MTA3: variants seen among roughly 807,000 people sequenced by gnomAD.
MTA3 encodes the protein metastasis associated 1 family member 3.
A neutral mutation model predicts 83.5 loss-of-function variants in MTA3; 34 were observed. The observed-to-expected ratio is 0.41, with a 90% CI of 0.31 to 0.54. The LOEUF is 0.54. Among genes scored for constraint, MTA3 ranks in the 20% least tolerant of loss-of-function variants. The pLI is 0.33. For missense variants in MTA3, 761 were observed against 726.4 expected, an observed-to-expected ratio of 1.05 and a Z score of -0.55; for synonymous variants, 303 against 252.7, an observed-to-expected ratio of 1.20 and a Z score of -1.89.
chr2:42,671,879 T>C (rs757370093), intron 8 of MTA3, among the ~76,000 whole-genome samples: 8 of 152,158 alleles, frequency 5.3e-5, no homozygotes, highest in Non-Finnish European at 1.0e-4. Context: ...GGTCTGATGC[T>C]TGTCACATCA....
intron 2 of MTA3, among the ~76,000 whole-genome samples, chr2:42,530,053 T>G (rs1236459056): frequency 6.7e-6 from 1 of 148,590 alleles, no homozygotes; most frequent in Admixed American, 6.7e-5. Flanking sequence ...GGCGTGGTGG[T>G]GGGCGCCTGT....
intron 7 of MTA3, among the ~76,000 whole-genome samples, chr2:42,658,292 C>G (rs1256228753): frequency 6.6e-6 from 1 of 150,940 alleles, no homozygotes; most frequent in African/African-American, 2.5e-5. Flanking sequence ...ACACAAGTAT[C>G]TCTTAAGTTT....
intron 2 of MTA3, among the ~76,000 whole-genome samples, chr2:42,574,367 T>C (rs1416342061): frequency 6.8e-6 from 1 of 147,124 alleles, no homozygotes; most frequent in Non-Finnish European, 1.5e-5. Context: ...CCTCAGGTGA[T>C]CTACCACCTC....
chr2:42,568,851 TGCCGGGAGCCAAGGGC>T, intron 1 of MTA3, 78 bp downstream of exon 1: 1 of 1,198,374 alleles, frequency 8.3e-7, no homozygotes, highest in Non-Finnish European at 1.0e-6. Context: ...GCACGCCAAC[TGCCGGGAGCCAAGGGC>T]GCCGGGGCTG....
chr2:42,732,686 A>G (rs1323011009), intron 16 of MTA3, among the ~76,000 whole-genome samples: 2 of 152,210 alleles, frequency 1.3e-5, no homozygotes, highest in Non-Finnish European at 2.9e-5. Flanking sequence ...TCAGGCTGCA[A>G]ATATTCTGAA....
chr2:42,636,303 G>T (rs1687187737), intron 4 of MTA3, among the ~76,000 whole-genome samples: 1 of 152,120 alleles, frequency 6.6e-6, no homozygotes, highest in Non-Finnish European at 1.5e-5. Flanking sequence ...CCTTTGGGAG[G>T]CCAAGGTGGG....
chr2:42,684,264 TC>T (rs552902993), intron 9 of MTA3, among the ~76,000 whole-genome samples: 1 of 152,240 alleles, frequency 6.6e-6, no homozygotes, highest in South Asian at 2.1e-4. Context: ...GAAAATAGAA[TC>T]TTTATAGACC....
intron 7 of MTA3, among the ~76,000 whole-genome samples, chr2:42,658,511 A>G (rs959436639): frequency 1.3e-5 from 2 of 152,180 alleles, no homozygotes; most frequent in Non-Finnish European, 1.5e-5. Flanking sequence ...AGCTAACAAC[A>G]TGGATGAACC....
At chr2:42,689,295 T>C (rs927211820) in intron 9 of MTA3, among the ~76,000 whole-genome samples, 2 of 152,228 alleles carry the variant, frequency 1.3e-5, no homozygotes, top group Non-Finnish European at 2.9e-5. Context: ...ATTGATAAAC[T>C]AAGACTTAAT....
intron 16 of MTA3, among the ~76,000 whole-genome samples, chr2:42,739,232 T>C (rs1397520784): frequency 1.3e-5 from 2 of 152,154 alleles, no homozygotes; most frequent in Non-Finnish European, 2.9e-5. Context: ...TTTTGTACAC[T>C]GTCCCTTTAT....
intron 2 of MTA3, among the ~76,000 whole-genome samples, chr2:42,524,478 T>TTTTTTTG (rs1553337463): frequency 8.8e-6 from 1 of 113,444 alleles, no homozygotes; most frequent in East Asian, 2.5e-4. Context: ...TTGTGTTTTT[T>TTTTTTTG]TTTTTTTTTT....
chr2:42,727,728 A>C (rs535643215), intron 16 of MTA3, among the ~76,000 whole-genome samples: 1 of 152,138 alleles, frequency 6.6e-6, no homozygotes, highest in East Asian at 1.9e-4. Flanking sequence ...TTTCTCCTCT[A>C]TAAATCTGTA....
At chr2:42,591,542 CTT>C (rs1195846264) in intron 3 of MTA3, among the ~76,000 whole-genome samples, 1 of 152,166 alleles carries the variant, frequency 6.6e-6, no homozygotes, top group Non-Finnish European at 1.5e-5. Flanking sequence ...CTTTTTGACT[CTT>C]GTAATAACAA....
chr2:42,752,307 G>A, intron 16 of MTA3: 1 of 470,956 alleles, frequency 2.1e-6, no homozygotes, highest in Non-Finnish European at 4.4e-6. Context: ...AGGCTGTGAA[G>A]GTGAGCATTG....
In MTA3 at chr2:42,719,040, T is replaced by A. The variant is rs2104533497; in HGVS notation, c.1578T>A (p.Thr526=). 7 of 1,550,414 alleles carry A rather than the reference T, an allele frequency of 4.5e-6. No individual in the cohort carries two copies. The South Asian group carries it at 7.1e-5, about 16-fold the overall frequency. Residue 526 remains threonine, a synonymous_variant, in exon 15 of 17, where the codon ACT becomes ACA. Coordinates refer to ENST00000405094, the MANE Select transcript of MTA3 (RefSeq NM_001330442.2). ...LSGSPLKSKS[T]RKPLACIIGY... Reference sequence around the variant, plus strand: ...GAAGTCCACTGAAAAGCAAAAGCACTAGGAAGCCTTTGGCATGTATCATTG... The same window carrying A: ...GAAGTCCACTGAAAAGCAAAAGCACAAGGAAGCCTTTGGCATGTATCATTG...
chr2:42,502,078 C>T (rs1232241835), intron 2 of MTA3, among the ~76,000 whole-genome samples: 1 of 150,408 alleles, frequency 6.6e-6, no homozygotes, highest in Non-Finnish European at 1.5e-5. Context: ...AGGTTACAGG[C>T]AAAGTCATAA....
At chr2:42,676,100 A>C (rs1691331046) in intron 8 of MTA3, among the ~76,000 whole-genome samples, 2 of 152,200 alleles carry the variant, frequency 1.3e-5, no homozygotes, top group Non-Finnish European at 2.9e-5. Flanking sequence ...TCTCCTGGTG[A>C]ACAGTAATTC....
At chr2:42,749,819 G>A (rs765843458) in intron 16 of MTA3, among the ~76,000 whole-genome samples, 1 of 152,030 alleles carries the variant, frequency 6.6e-6, no homozygotes, top group African/African-American at 2.4e-5. Flanking sequence ...GTTACTGGCT[G>A]GAGGGTTAGT....
chr2:42,569,376 G>A (rs1053116021), intron 1 of MTA3: 1 of 152,286 alleles, frequency 6.6e-6, no homozygotes, highest in African/African-American at 2.4e-5. Flanking sequence ...GTTGAGCTCT[G>A]CCTGGACGTT....
Sources: gnomAD v4.1 joint callset for allele counts (sites outside exome capture counted in the v4.1 genomes callset) on GRCh38, gnomAD v4.1.1 for gene constraint, MANE v1.5 for transcripts, NCBI Gene and HGNC (gene_info 2026-07-23, HGNC 2026-07-21) for gene names.